ALPL: variants seen among roughly 807,000 people sequenced by gnomAD.
ALPL encodes the protein alkaline phosphatase, biomineralization associated.
Under a neutral mutation model 51.3 loss-of-function variants are expected in ALPL, and 42 were observed. The ratio of observed to expected loss-of-function variants is 0.82; its 90% CI spans 0.64 to 1.06. The LOEUF (loss-of-function observed/expected upper bound fraction) is 1.06. ALPL is among the 50% of genes least tolerant of loss of function. ALPL has a pLI of 0.00. For synonymous variants in ALPL, 279 were observed against 296.4 expected, an observed-to-expected ratio of 0.94 and a Z score of 0.60; for missense variants, 589 against 709.4, an observed-to-expected ratio of 0.83 and a Z score of 1.93.
At chr1:21,512,836 A>G (rs755852195) in intron 1 of ALPL, among the ~76,000 whole-genome samples, 1 of 152,174 alleles carries the variant, frequency 6.6e-6, no homozygotes, top group African/African-American at 2.4e-5. Context: ...AATTGTTTGC[A>G]TTGAATTTGA....
At chr1:21,543,672 T>C (rs1323343479) in intron 1 of ALPL, among the ~76,000 whole-genome samples, 6 of 152,168 alleles carry the variant, frequency 3.9e-5, no homozygotes, top group Admixed American at 2.6e-4. Context: ...AGGTAACCAC[T>C]TGGGAATAAG....
chr1:21,539,858 G>A (rs527524858), intron 1 of ALPL, among the ~76,000 whole-genome samples: 2 of 152,096 alleles, frequency 1.3e-5, no homozygotes, highest in African/African-American at 4.8e-5. Flanking sequence ...GGGTTTCACC[G>A]TGTTAGTCAG....
At chr1:21,538,541 A>G (rs1227344425) in intron 1 of ALPL, among the ~76,000 whole-genome samples, 1 of 151,912 alleles carries the variant, frequency 6.6e-6, no homozygotes, top group Non-Finnish European at 1.5e-5. Flanking sequence ...CTACAAGTTC[A>G]TTGTCCCTTT....
rs571140206 is a variant in ALPL, at chr1:21,577,662, G to A, written c.*14G>A. 5.7e-5 allele frequency: 91 copies of A among 1,593,172 alleles called. 1 individual carries two copies. In the South Asian group the frequency reaches 7.1e-4, roughly 12 times the overall value. ...GTCCTGTTCTGAGGGCCCAGGGCCC[G>A]GGCACCCACAAGCCCGTGACAGATG... On this transcript the variant is annotated 3_prime_UTR_variant, in exon 12 of 12. Coordinates refer to ENST00000374840, the MANE Select transcript of ALPL (RefSeq NM_000478.6).
intron 9 of ALPL, chr1:21,574,697 C>G (rs533426916): frequency 6.6e-6 from 1 of 152,256 alleles, no homozygotes; most frequent in Non-Finnish European, 1.5e-5. Flanking sequence ...TTGGCCTGGC[C>G]CCGAACAGGC....
At chr1:21,558,157 G>A (rs1644437638) in intron 2 of ALPL, among the ~76,000 whole-genome samples, 1 of 152,232 alleles carries the variant, frequency 6.6e-6, no homozygotes, top group African/African-American at 2.4e-5. Context: ...TGGCTCTGGT[G>A]AAAAAGACAA....
In ALPL at chr1:21,560,682, G is replaced by T. The variant is rs1455153945; in HGVS notation, c.118G>T (p.Ala40Ser). The T allele has an allele frequency of 1.2e-6, 2 of 1,614,020 alleles. No individual in the cohort carries two copies. The highest frequency in any genetic ancestry group is 1.7e-6 in the Non-Finnish European group (2 of 1,180,042). Residue 40 changes from alanine (A) to serine (S), a missense_variant, in exon 3 of 12, where the codon GCC (alanine) becomes TCC (serine). Ala to Ser is a moderately conservative substitution (Grantham distance 99). Coordinates refer to ENST00000374840, the MANE Select transcript of ALPL (RefSeq NM_000478.6). ...RDQAQETLKY[A>S]LELQKLNTNV... ...CCAAGCGCAAGAGACACTGAAATAT[G>T]CCCTGGAGCTTCAGAAGCTCAACAC... is the stretch of plus-strand genomic sequence containing the variant.
intron 6 of ALPL, among the ~76,000 whole-genome samples, chr1:21,565,553 A>G (rs1369325303): frequency 6.6e-6 from 1 of 151,468 alleles, no homozygotes; most frequent in Non-Finnish European, 1.5e-5. Context: ...TGAGCAGGGG[A>G]CAGGAACTTG....
intron 1 of ALPL, among the ~76,000 whole-genome samples, chr1:21,519,415 C>G (rs560470295): frequency 9.9e-5 from 15 of 152,214 alleles, no homozygotes; most frequent in Non-Finnish European, 1.9e-4. Flanking sequence ...CGTCTTTGCC[C>G]GTGGAAAGTG....
At chr1:21,560,772 G>A (rs750254400) in intron 3 of ALPL, 27 bp downstream of exon 3, 13 of 1,613,752 alleles carry the variant, frequency 8.1e-6, no homozygotes, top group African/African-American at 1.3e-5. Flanking sequence ...TGTGGGAGGG[G>A]TGGAACAGGA....
intron 2 of ALPL, among the ~76,000 whole-genome samples, chr1:21,554,438 TCATATATATATTTTTC>T (rs1056183111): frequency 8.8e-5 from 13 of 147,862 alleles, no homozygotes; most frequent in African/African-American, 1.7e-4. Flanking sequence ...TATATATATT[TCATATATATATTTTTC>T]CATATATATA....
intron 4 of ALPL, among the ~76,000 whole-genome samples, chr1:21,562,856 C>T (rs889735199): frequency 6.6e-6 from 1 of 152,194 alleles, no homozygotes; most frequent in African/African-American, 2.4e-5. Flanking sequence ...CAATCTTCCG[C>T]CGGACACTTC....
chr1:21,563,398 G>C, intron 5 of ALPL, 114 bp downstream of exon 5: 2 of 1,287,732 alleles, frequency 1.6e-6, no homozygotes, highest in Non-Finnish European at 2.1e-6. Flanking sequence ...GGGGCTCCCA[G>C]CTCTGATATG....
rs539884496 is a variant in ALPL, at chr1:21,560,711, C to T, written c.147C>T (p.Asn49=). 2.2e-5 allele frequency: 35 copies of T among 1,614,036 alleles called. No individual in the cohort carries two copies. The highest frequency in any genetic ancestry group is 1.6e-4 in the East Asian group (7 of 44,888). ...YALELQKLNT[N]VAKNVIMFLG... is the part of the protein sequence containing the mutation. ...TGGAGCTTCAGAAGCTCAACACCAA[C>T]GTGGCTAAGAATGTCATCATGTTCC... Residue 49 remains asparagine, a synonymous_variant, in exon 3 of 12, where the codon AAC becomes AAT. Coordinates refer to ENST00000374840, the MANE Select transcript of ALPL (RefSeq NM_000478.6).
chr1:21,544,929 G>A (rs1045027192), intron 1 of ALPL, among the ~76,000 whole-genome samples: 5 of 151,506 alleles, frequency 3.3e-5, no homozygotes, highest in Admixed American at 3.3e-4. Context: ...TTGTAAACAG[G>A]ACATTCCAAC....
chr1:21,547,731 C>T (rs887088312), intron 1 of ALPL, among the ~76,000 whole-genome samples: 5 of 152,242 alleles, frequency 3.3e-5, no homozygotes, highest in Non-Finnish European at 5.9e-5. Context: ...TAGCCAAACC[C>T]TCTGTTGGGT....
chr1:21,541,895 C>T (rs1644191599), intron 1 of ALPL, among the ~76,000 whole-genome samples: 1 of 152,154 alleles, frequency 6.6e-6, no homozygotes, highest in East Asian at 1.9e-4. Flanking sequence ...CGTCTGTTTC[C>T]TGCCAGGATG....
rs376221105 is a variant in ALPL, at chr1:21,573,725, C to T, written c.923C>T (p.Ser308Leu). Reference sequence around the variant, plus strand: ...AACAGGAACAACGTGACGGACCCGTCACTCTCCGAGATGGTGGTGGTGGCC... The same window carrying T: ...AACAGGAACAACGTGACGGACCCGTTACTCTCCGAGATGGTGGTGGTGGCC... Reference protein sequence around the residue: ...ELNRNNVTDPSLSEMVVVAIQ... With the variant: ...ELNRNNVTDPLLSEMVVVAIQ... The change falls in exon 9 of 12, where the codon TCA becomes TTA. Residue 308 changes from serine (S) to leucine (L), a missense_variant. Physicochemically the swap from Ser to Leu is moderately radical, Grantham distance 145. Transcript: ENST00000374840. 3 of 1,614,144 alleles carry T rather than the reference C, an allele frequency of 1.9e-6. No homozygotes were observed. The highest frequency in any genetic ancestry group is 2.5e-6 in the Non-Finnish European group (3 of 1,180,024).
chr1:21,574,263 T>A, intron 9 of ALPL: 2 of 955,018 alleles, frequency 2.1e-6, no homozygotes, highest in Non-Finnish European at 2.5e-6. Context: ...GACCTCTACC[T>A]GTGCACTTCT....
Sources: allele counts gnomAD v4.1 joint callset (sites outside exome capture counted in the v4.1 genomes callset), GRCh38; gene constraint gnomAD v4.1.1; transcripts MANE v1.5; gene names NCBI Gene and HGNC (gene_info 2026-07-23, HGNC 2026-07-21).